ATP5PF: variants seen among roughly 807,000 people sequenced by gnomAD.
ATP5PF encodes ATP synthase peripheral stalk subunit F6.
ATP5PF carries 7 observed loss-of-function variants against 12.0 expected under a neutral mutation model. That is an observed-to-expected ratio of 0.58 (90% CI 0.33 to 1.10). The LOEUF is 1.10. ATP5PF is among the 50% of genes least tolerant of loss of function. ATP5PF has a pLI of 0.03. For missense variants in ATP5PF, 120 were observed against 127.7 expected, an observed-to-expected ratio of 0.94 and a Z score of 0.29; for synonymous variants, 41 against 45.4, an observed-to-expected ratio of 0.90 and a Z score of 0.39.
At chr21:25,734,996 G>A (rs748258092), upstream of ATP5PF, 2 of 1,546,902 alleles carry the variant, frequency 1.3e-6, no homozygotes, top group Non-Finnish European at 1.7e-6. Flanking sequence ...CACCGGACAG[G>A]AAGCGTCTCG....
chr21:25,725,130 G>T, intron 3 of ATP5PF, 96 bp downstream of exon 3: 1 of 1,472,846 alleles, frequency 6.8e-7, no homozygotes, highest in Non-Finnish European at 9.1e-7. Flanking sequence ...AAATTCACAT[G>T]TCAACACTGT....
intron 2 of ATP5PF, 142 bp from the exon 3 acceptor site, chr21:25,725,492 T>G: frequency 2.2e-6 from 2 of 923,194 alleles, no homozygotes; most frequent in Non-Finnish European, 3.1e-6. Context: ...CAGGCTGGAG[T>G]GCGGTAGCAT....
chr21:25,729,514 C>T, intron 2 of ATP5PF, 117 bp downstream of exon 2: 1 of 923,536 alleles, frequency 1.1e-6, no homozygotes, highest in Non-Finnish European at 1.6e-6. Context: ...ACCTCTATGT[C>T]AGAGATGAGC....
chr21:25,730,965 C>T (rs2034757928), intron 1 of ATP5PF, among the ~76,000 whole-genome samples: 1 of 151,984 alleles, frequency 6.6e-6, no homozygotes, highest in Admixed American at 6.6e-5. Context: ...ATAAAGAGGG[C>T]CAGGCACGGT....
intron 3 of ATP5PF, chr21:25,724,942 G>T: frequency 1.7e-6 from 1 of 582,912 alleles, no homozygotes; most frequent in Non-Finnish European, 2.9e-6. Context: ...GAGGAGACAT[G>T]CACCAGTTAA....
intron 1 of ATP5PF, among the ~76,000 whole-genome samples, chr21:25,732,528 C>G (rs1350360814): frequency 6.6e-6 from 1 of 151,168 alleles, no homozygotes; most frequent in Non-Finnish European, 1.5e-5. Context: ...TGCCTGTAGT[C>G]CCAGGTACTT....
chr21:25,734,960 G>T, upstream of ATP5PF: 1 of 1,571,964 alleles, frequency 6.4e-7, no homozygotes. Flanking sequence ...ATGCATTATG[G>T]GCCGCCGTTT....
intron 1 of ATP5PF, 122 bp from the exon 2 acceptor site, chr21:25,729,923 T>C (rs2034715833): frequency 1.8e-6 from 2 of 1,137,502 alleles, no homozygotes; most frequent in Non-Finnish European, 2.4e-6. Flanking sequence ...TCTCAGTCTA[T>C]ACCTGACCAC....
At chr21:25,734,708 T>G in intron 1 of ATP5PF, 145 bp downstream of exon 1, 1 of 796,592 alleles carries the variant, frequency 1.3e-6, no homozygotes, top group African/African-American at 1.7e-5. Context: ...AGGTCAGCTG[T>G]GACCCCGGGC....
intron 1 of ATP5PF, among the ~76,000 whole-genome samples, chr21:25,731,093 T>C (rs1400749052): frequency 6.6e-6 from 1 of 151,748 alleles, no homozygotes; most frequent in Non-Finnish European, 1.5e-5. Context: ...CATACAAAAA[T>C]AAGTCAGGCG....
At chr21:25,730,322 AGC>A (rs2034727512) in intron 1 of ATP5PF, among the ~76,000 whole-genome samples, 1 of 152,250 alleles carries the variant, frequency 6.6e-6, no homozygotes, top group Non-Finnish European at 1.5e-5. Context: ...CAGAAGAACC[AGC>A]AAAGAAAAAC....
In ATP5PF at chr21:25,729,316, T is replaced by A. The variant is rs190992162; in HGVS notation, c.164+315A>T. Among the ~76,000 whole-genome samples, 265 of 152,342 alleles carry A rather than the reference T, an allele frequency of 1.7e-3. 4 individuals carry two copies. The highest frequency in any genetic ancestry group is 6.8e-3 in the Middle Eastern group (2 of 294). ...AGTTACTTTTTTCAAACTTAGCTGC[T>A]AAATGATTTCCAAGACCCTATGTAT... On this transcript the variant is annotated intron_variant, in intron 2 of 3. Coordinates refer to ENST00000284971, the MANE Select transcript of ATP5PF (RefSeq NM_001003703.2).
At position 25,729,680 on chromosome 21, in the gene ATP5PF, T is replaced by A. The variant is rs752786714; in HGVS notation, c.115A>T (p.Ile39Leu). Residue 39 changes from isoleucine to leucine, a missense_variant, in exon 2 of 4, where the codon ATA becomes TTA. Physicochemically the swap from Ile to Leu is conservative, Grantham distance 5. Coordinates refer to ENST00000284971, the MANE Select transcript of ATP5PF (RefSeq NM_001003703.2). ...ATCTTGTCCACAAAGAGTTTCTGTA[T>A]AGGATCAAGTTCCTTATTAAATGCC... The part of the protein sequence containing the change: ...AVAFNKELDP[I>L]QKLFVDKIRE... The A allele has an allele frequency of 9.3e-6, 15 of 1,613,802 alleles. No individual in the cohort carries two copies. In the African/African-American group the frequency reaches 1.6e-4, roughly 17 times the overall value.
At position 25,724,576 on chromosome 21, in the gene ATP5PF, A is replaced by C; in HGVS notation, c.*64T>G. On this transcript the variant is annotated 3_prime_UTR_variant, in exon 4 of 4. Coordinates refer to ENST00000284971, the MANE Select transcript of ATP5PF (RefSeq NM_001003703.2). The stretch of plus-strand genomic sequence containing the variant: ...AGTTATGAAATGCATGTTTATTCTG[A>C]AACTTCTAACTAGTTGTACAACTAA... 2 of 1,533,944 alleles carry C rather than the reference A, an allele frequency of 1.3e-6. No individual in the cohort carries two copies. Among genetic ancestry groups the C allele is most frequent in the Non-Finnish European group, 1.8e-6 (2 of 1,118,074 alleles).
intron 1 of ATP5PF, among the ~76,000 whole-genome samples, chr21:25,732,911 G>A (rs543981450): frequency 3.9e-4 from 59 of 149,376 alleles, no homozygotes; most frequent in African/African-American, 1.5e-3. Context: ...GAACCCAGGA[G>A]GCGGAGGTTG....
upstream of ATP5PF, chr21:25,735,135 C>G (rs556980094): frequency 1.0e-5 from 7 of 679,186 alleles, no homozygotes; most frequent in Non-Finnish European, 1.1e-5. Context: ...TTGACCCGTT[C>G]TTTTTCCCCT....
At chr21:25,734,154 A>G (rs2034909040) in intron 1 of ATP5PF, among the ~76,000 whole-genome samples, 1 of 152,210 alleles carries the variant, frequency 6.6e-6, no homozygotes, top group Non-Finnish European at 1.5e-5. Context: ...TTACACAAAT[A>G]GCTGTGAAAT....
chr21:25,734,865 C>A lies in ATP5PF; in HGVS notation c.-20G>T. ...CCCTCCCAGTCACCTTGCACTCAGT[C>A]CCGAGCTGCCAAAGCCTCCGCCGCC... On this transcript the variant is annotated 5_prime_UTR_variant, in exon 1 of 4. Transcript: ENST00000284971. 6.5e-7 allele frequency: 1 copy of A among 1,543,652 alleles called. No homozygotes were observed. Among genetic ancestry groups the A allele is most frequent in the East Asian group, 2.4e-5 (1 of 41,080 alleles).
At chr21:25,730,496 G>A (rs2034733401) in intron 1 of ATP5PF, among the ~76,000 whole-genome samples, 1 of 152,050 alleles carries the variant, frequency 6.6e-6, no homozygotes, top group Non-Finnish European at 1.5e-5. Context: ...CACTTTGGGA[G>A]GCTGAGGCTG....
Sources: gnomAD v4.1 joint callset for allele counts (sites outside exome capture counted in the v4.1 genomes callset) on GRCh38, gnomAD v4.1.1 for gene constraint, MANE v1.5 for transcripts, NCBI Gene and HGNC (gene_info 2026-07-23, HGNC 2026-07-21) for gene names.